EXOC6B: variants seen among roughly 807,000 people sequenced by gnomAD.
EXOC6B encodes the protein SEC15 homolog B.
In EXOC6B, 54 loss-of-function variants were observed where a neutral mutation model predicts 113.5. The ratio of observed to expected loss-of-function variants is 0.48; its 90% confidence interval spans 0.38 to 0.60. The LOEUF (loss-of-function observed/expected upper bound fraction) is 0.60. EXOC6B is among the 20% of genes least tolerant of loss of function. EXOC6B has a pLI of 0.00. For synonymous variants in EXOC6B, 357 were observed against 339.0 expected, an observed-to-expected ratio of 1.05 and a Z score of -0.58; for missense variants, 797 against 977.5, an observed-to-expected ratio of 0.82 and a Z score of 2.46.
chr2:72,471,531 C>A (rs1356610013), intron 17 of EXOC6B, among the ~76,000 whole-genome samples: 1 of 152,122 alleles, frequency 6.6e-6, no homozygotes, highest in Non-Finnish European at 1.5e-5. Context: ...GACATGAAGT[C>A]CTTGCCCATG....
chr2:72,397,849 G>A (rs1471499068), intron 18 of EXOC6B, among the ~76,000 whole-genome samples: 1 of 151,838 alleles, frequency 6.6e-6, no homozygotes, highest in Admixed American at 6.6e-5. Flanking sequence ...ATGATCAAGG[G>A]CTATCTACTC....
At chr2:72,673,707 A>G (rs1297555874) in intron 6 of EXOC6B, among the ~76,000 whole-genome samples, 1 of 151,082 alleles carries the variant, frequency 6.6e-6, no homozygotes, top group Non-Finnish European at 1.5e-5. Context: ...ACCTTACCTT[A>G]GTCAAAAAAT....
chr2:72,778,450 T>C (rs970577), intron 1 of EXOC6B, among the ~76,000 whole-genome samples: 50,785 of 152,066 alleles, frequency 0.33, 12,639 homozygotes, highest in African/African-American at 0.7. Flanking sequence ...GTACTCAAAC[T>C]CTATTCTGCA....
At chr2:72,206,367 T>TTC (rs1479162289) in intron 20 of EXOC6B, among the ~76,000 whole-genome samples, 2 of 152,190 alleles carry the variant, frequency 1.3e-5, no homozygotes, top group Non-Finnish European at 2.9e-5. Flanking sequence ...CCTCCTCCTT[T>TTC]TCCCACCATC....
At chr2:72,490,684 C>T (rs1162627428) in intron 16 of EXOC6B, among the ~76,000 whole-genome samples, 1 of 152,132 alleles carries the variant, frequency 6.6e-6, no homozygotes, top group Non-Finnish European at 1.5e-5. Context: ...TAAGGAATAA[C>T]ATTTAGTATT....
At chr2:72,299,938 C>T (rs1399573717) in intron 20 of EXOC6B, among the ~76,000 whole-genome samples, 2 of 152,106 alleles carry the variant, frequency 1.3e-5, no homozygotes, top group Non-Finnish European at 2.9e-5. Flanking sequence ...CTAGAGCGCT[C>T]CTGTATGAGG....
chr2:72,302,250 A>G (rs959701948), intron 20 of EXOC6B, among the ~76,000 whole-genome samples: 9 of 151,944 alleles, frequency 5.9e-5, no homozygotes, highest in African/African-American at 1.2e-4. Context: ...GGATTGTTTT[A>G]TGTTCGATTG....
At chr2:72,768,288 C>CTTTT (rs200442752) in intron 1 of EXOC6B, among the ~76,000 whole-genome samples, 2 of 105,386 alleles carry the variant, frequency 1.9e-5, no homozygotes, top group African/African-American at 3.3e-5. Context: ...AGAATGCAAG[C>CTTTT]TTTTTTTTTT....
chr2:72,805,693 A>G (rs1002837563), intron 1 of EXOC6B, among the ~76,000 whole-genome samples: 67 of 152,168 alleles, frequency 4.4e-4, no homozygotes, highest in Non-Finnish European at 3.4e-4. Flanking sequence ...TTTATTAGTA[A>G]CTATAGTCAC....
intron 7 of EXOC6B, among the ~76,000 whole-genome samples, chr2:72,567,950 A>G (rs1189070970): frequency 6.6e-6 from 1 of 152,066 alleles, no homozygotes; most frequent in Non-Finnish European, 1.5e-5. Flanking sequence ...GATTCCAGAA[A>G]GTGGCATCAA....
intron 6 of EXOC6B, among the ~76,000 whole-genome samples, chr2:72,700,838 C>G (rs1331938632): frequency 6.6e-6 from 1 of 152,134 alleles, no homozygotes; most frequent in Non-Finnish European, 1.5e-5. Flanking sequence ...GTAATCCCAG[C>G]TACTCGGGAG....
At chr2:72,543,592 T>C (rs1343840570) in intron 8 of EXOC6B, among the ~76,000 whole-genome samples, 4 of 152,180 alleles carry the variant, frequency 2.6e-5, no homozygotes, top group African/African-American at 9.7e-5. Context: ...TGTATGCCCA[T>C]GGGTAATAAG....
At chr2:72,616,488 T>C (rs1255926487) in intron 6 of EXOC6B, among the ~76,000 whole-genome samples, 1 of 152,084 alleles carries the variant, frequency 6.6e-6, no homozygotes, top group Non-Finnish European at 1.5e-5. Flanking sequence ...AACTACAGTG[T>C]ATTAGTCTGT....
chr2:72,731,374 G>T, intron 3 of EXOC6B, 129 bp from the exon 4 acceptor site: 2 of 671,526 alleles, frequency 3.0e-6, no homozygotes, highest in South Asian at 3.8e-5. Context: ...CCTGCCAAGT[G>T]AACTAAGGAA....
At chr2:72,274,224 T>A (rs184070679) in intron 20 of EXOC6B, among the ~76,000 whole-genome samples, 16 of 152,214 alleles carry the variant, frequency 1.1e-4, no homozygotes, top group Admixed American at 9.2e-4. Flanking sequence ...AGACAAATAC[T>A]CCAAGTTACA....
At chr2:72,647,476 A>T (rs1046306505) in intron 6 of EXOC6B, among the ~76,000 whole-genome samples, 7 of 152,232 alleles carry the variant, frequency 4.6e-5, no homozygotes, top group Admixed American at 1.3e-4. Flanking sequence ...TGCCAAGACA[A>T]TCCTAAGCAA....
intron 18 of EXOC6B, among the ~76,000 whole-genome samples, chr2:72,459,553 C>T (rs1240080870): frequency 6.6e-6 from 1 of 152,110 alleles, no homozygotes; most frequent in African/African-American, 2.4e-5. Context: ...CATTCTTATA[C>T]ACCAATAACA....
At position 72,496,606 on chromosome 2, in the gene EXOC6B, G is replaced by A. The variant is rs200752375; in HGVS notation, c.1338-47C>T. The A allele has an allele frequency of 5.2e-5, 60 of 1,153,630 alleles. 1 individual carries two copies. The Middle Eastern group carries it at 8.5e-3, about 164-fold the overall frequency. 71.5% of individuals were successfully genotyped at this position (1,153,630 alleles called of 1,614,324 possible). On this transcript the variant is annotated intron_variant, in intron 13 of 21. Transcript: ENST00000272427. ...AAGGGAAGGGAAGGATAGACAAAGT[G>A]GGGGGGTAGGGGAGGGGAACAGAGG...
intron 20 of EXOC6B, among the ~76,000 whole-genome samples, chr2:72,236,297 CA>C (rs1396506242): frequency 6.6e-6 from 1 of 152,134 alleles, no homozygotes; most frequent in African/African-American, 2.4e-5. Flanking sequence ...CACTAATACA[CA>C]AGACGAGATT....
Sources: allele counts gnomAD v4.1 joint callset (sites outside exome capture counted in the v4.1 genomes callset), GRCh38; gene constraint gnomAD v4.1.1; transcripts MANE v1.5; gene names NCBI Gene and HGNC (gene_info 2026-07-23, HGNC 2026-07-21).